GULP1: variants seen among roughly 807,000 people sequenced by gnomAD.
GULP1 encodes the protein PTB domain-containing engulfment adapter protein 1.
GULP1 carries 19 observed loss-of-function variants against 40.9 expected under a neutral mutation model. The observed-to-expected ratio is 0.46, with a 90% confidence interval of 0.32 to 0.68. The LOEUF (loss-of-function observed/expected upper bound fraction) is 0.68, where lower values mean the gene tolerates loss of function less well. GULP1 is among the 30% of genes least tolerant of loss of function. GULP1 has a pLI of 0.03. For synonymous variants in GULP1, 119 were observed against 117.6 expected (o/e 1.01, Z -0.08); for missense variants, 312 against 362.2 (o/e 0.86, Z 1.12).
chr2:188,351,134 A>G (rs906468902), intron 1 of GULP1, among the ~76,000 whole-genome samples: 1 of 152,172 alleles, frequency 6.6e-6, no homozygotes, highest in African/African-American at 2.4e-5. Flanking sequence ...AATTCAGAGG[A>G]TGGAATATAG....
At chr2:188,337,148 AT>A (rs1035791580) in intron 1 of GULP1, among the ~76,000 whole-genome samples, 1 of 148,740 alleles carries the variant, frequency 6.7e-6, no homozygotes, top group African/African-American at 2.5e-5. Context: ...CTATCTATAT[AT>A]TTTTTTCTTT....
chr2:188,379,117 C>T (rs1430399230), intron 1 of GULP1, among the ~76,000 whole-genome samples: 3 of 152,128 alleles, frequency 2.0e-5, no homozygotes, highest in Admixed American at 1.3e-4. Context: ...TTTTCTCCTA[C>T]TTTTTCTAAT....
intron 9 of GULP1, among the ~76,000 whole-genome samples, chr2:188,571,212 T>C (rs2153434580): frequency 6.6e-6 from 1 of 152,216 alleles, no homozygotes; most frequent in South Asian, 2.1e-4. Context: ...AAGAAATTTG[T>C]TGCAAAATTT....
chr2:188,325,982 G>A (rs747584111), intron 1 of GULP1, among the ~76,000 whole-genome samples: 5 of 152,012 alleles, frequency 3.3e-5, no homozygotes, highest in East Asian at 1.9e-4. Context: ...TATATTTTCC[G>A]TATCCTTAAA....
chr2:188,427,644 G>A (rs1056490834), intron 2 of GULP1, among the ~76,000 whole-genome samples: 2 of 152,224 alleles, frequency 1.3e-5, no homozygotes, highest in South Asian at 2.1e-4. Flanking sequence ...TGTTAAACCA[G>A]CAGGTATATA....
intron 4 of GULP1, among the ~76,000 whole-genome samples, chr2:188,507,959 G>GTA (rs1481342248): frequency 1.3e-5 from 2 of 151,862 alleles, no homozygotes; most frequent in African/African-American, 4.8e-5. Context: ...ATATAGTTCT[G>GTA]TATATATAAA....
At position 188,375,706 on chromosome 2, in the gene GULP1, T is replaced by C. The variant is rs762200526; in HGVS notation, c.-171-8057T>C. On this transcript the variant is annotated intron_variant, in intron 1 of 11. Transcript: ENST00000409830. ...AATATTTTCTTTAATCATCTGAATA[T>C]TTCTAATGTATTAAAATACTATAGT... 3.9e-5 allele frequency among the ~76,000 whole-genome samples: 6 copies of C among 152,318 alleles called. No individual in the cohort carries two copies. In the Middle Eastern group the frequency reaches 0.01, roughly 259 times the overall value.
chr2:188,466,598 T>C lies in GULP1; in HGVS notation c.-44-11061T>C, dbSNP rs145725689. 101 of 152,232 alleles carry C rather than the reference T, an allele frequency of 6.6e-4. 1 individual carries two copies. The East Asian group carries it at 0.019, about 29-fold the overall frequency. The allele number at this position is 152,232 out of a possible 1,614,324, so 9.4% of individuals were successfully genotyped here. ...TGGCTGTTTTTTATCTATCTCTAGC[T>C]TGCTCTTCTTATTCTGCCTCATTCA... On this transcript the variant is annotated intron_variant, in intron 2 of 11. Transcript: ENST00000409830.
chr2:188,461,827 G>T (rs1002699208), intron 2 of GULP1, among the ~76,000 whole-genome samples: 1 of 151,880 alleles, frequency 6.6e-6, no homozygotes, highest in Non-Finnish European at 1.5e-5. Flanking sequence ...CAATGTCTCT[G>T]TTTTTTCTTA....
At chr2:188,387,221 A>G (rs904676589) in intron 2 of GULP1, among the ~76,000 whole-genome samples, 10 of 152,032 alleles carry the variant, frequency 6.6e-5, no homozygotes, top group Non-Finnish European at 1.2e-4. Flanking sequence ...GGGCAATAAG[A>G]GTGAGACTCC....
At chr2:188,559,650 G>A (rs1240567583) in intron 7 of GULP1, among the ~76,000 whole-genome samples, 1 of 152,208 alleles carries the variant, frequency 6.6e-6, no homozygotes, top group Non-Finnish European at 1.5e-5. Context: ...GCTTAACTGA[G>A]TTAAGGCTTT....
chr2:188,477,544 T>G (rs899579773), intron 2 of GULP1, 115 bp from the exon 3 acceptor site: 10 of 564,932 alleles, frequency 1.8e-5, no homozygotes, highest in Admixed American at 7.6e-5. Flanking sequence ...TTTAGAATAT[T>G]GTTTGTAAAT....
chr2:188,453,724 T>C (rs2059024125), intron 2 of GULP1, among the ~76,000 whole-genome samples: 1 of 152,210 alleles, frequency 6.6e-6, no homozygotes. Context: ...AGGATTGCCC[T>C]TACTCAACCT....
rs187984988 is a variant in GULP1, at chr2:188,508,398, G to A, written c.91-14358G>A. Among the ~76,000 whole-genome samples the A allele has an allele frequency of 1.1e-3, 169 of 152,176 alleles. 1 individual carries two copies. Among genetic ancestry groups the A allele is most frequent in the African/African-American group, 3.9e-3 (163 of 41,536 alleles). On this transcript the variant is annotated intron_variant, in intron 4 of 11. Coordinates refer to ENST00000409830, the MANE Select transcript of GULP1 (RefSeq NM_016315.4). ...AACAAAAGCATGATTTGCAATAGTG[G>A]AAGCAGAATACTTCCTCACTTTTAC...
intron 2 of GULP1, among the ~76,000 whole-genome samples, chr2:188,414,347 G>A (rs6704814): frequency 0.29 from 43,336 of 151,448 alleles, 7,589 homozygotes; most frequent in African/African-American, 0.5. Context: ...CATATTCTTT[G>A]CGAAGAAGCT....
intron 1 of GULP1, among the ~76,000 whole-genome samples, chr2:188,344,717 G>C (rs1484815300): frequency 6.6e-6 from 1 of 152,070 alleles, no homozygotes; most frequent in Non-Finnish European, 1.5e-5. Flanking sequence ...TCTTTTCCTT[G>C]GTGACCATTC....
chr2:188,418,661 A>G (rs2054925154), intron 2 of GULP1, among the ~76,000 whole-genome samples: 1 of 152,200 alleles, frequency 6.6e-6, no homozygotes, highest in Non-Finnish European at 1.5e-5. Context: ...ATGACATTTT[A>G]TAAAGTACAT....
intron 4 of GULP1, among the ~76,000 whole-genome samples, chr2:188,520,168 A>G (rs1258802971): frequency 6.6e-6 from 1 of 152,170 alleles, no homozygotes; most frequent in African/African-American, 2.4e-5. Flanking sequence ...TGGAGGTCAC[A>G]GTGAGGCAAA....
intron 10 of GULP1, among the ~76,000 whole-genome samples, chr2:188,585,815 T>C (rs1197629598): frequency 6.6e-6 from 1 of 152,218 alleles, no homozygotes; most frequent in African/African-American, 2.4e-5. Context: ...GTCTTGGCTA[T>C]TAACATTCAG....
Sources: allele counts gnomAD v4.1 joint callset (sites outside exome capture counted in the v4.1 genomes callset), GRCh38; gene constraint gnomAD v4.1.1; transcripts MANE v1.5; gene names NCBI Gene and HGNC (gene_info 2026-07-23, HGNC 2026-07-21).